Variants in MAGI3 observed in about 807,000 individuals in gnomAD.
MAGI3 encodes the protein membrane-associated guanylate kinase, WW and PDZ domain-containing protein 3.
MAGI3 carries 43 observed loss-of-function variants against 121.8 expected under a neutral mutation model. That is an observed-to-expected ratio of 0.35 (90% confidence interval 0.28 to 0.46). MAGI3 has a LOEUF of 0.46. MAGI3 is among the 20% of genes least tolerant of loss of function. MAGI3 has a pLI of 1.00. For synonymous variants in MAGI3, 553 were observed against 639.3 expected, an observed-to-expected ratio of 0.86 and a Z score of 2.04; for missense variants, 1,547 against 1,797.3, an observed-to-expected ratio of 0.86 and a Z score of 2.52.
chr1:113,461,087 A>G (rs1322533005), intron 1 of MAGI3, among the ~76,000 whole-genome samples: 1 of 152,198 alleles, frequency 6.6e-6, no homozygotes, highest in African/African-American at 2.4e-5. Flanking sequence ...CAGAGAAGAC[A>G]TAAACAAATG....
chr1:113,421,530 A>G (rs945293035), intron 1 of MAGI3, among the ~76,000 whole-genome samples: 4 of 152,232 alleles, frequency 2.6e-5, no homozygotes, highest in Admixed American at 1.3e-4. Flanking sequence ...CTGAAGCTGC[A>G]TGCAAAATTT....
At chr1:113,503,953 C>G (rs1657180479) in intron 1 of MAGI3, among the ~76,000 whole-genome samples, 1 of 151,928 alleles carries the variant, frequency 6.6e-6, no homozygotes, top group South Asian at 2.1e-4. Context: ...ATAGAAAGTT[C>G]AAAGTGACCT....
At chr1:113,408,231 A>G (rs1465993573) in intron 1 of MAGI3, among the ~76,000 whole-genome samples, 1 of 152,174 alleles carries the variant, frequency 6.6e-6, no homozygotes, top group African/African-American at 2.4e-5. Flanking sequence ...AAAATATAAT[A>G]AAAACTGAAG....
intron 2 of MAGI3, among the ~76,000 whole-genome samples, chr1:113,564,810 T>C (rs1660376113): frequency 6.6e-6 from 1 of 152,188 alleles, no homozygotes; most frequent in African/African-American, 2.4e-5. Flanking sequence ...GAATTTTTCA[T>C]ACCTAAAATT....
chr1:113,661,611 GA>G (rs1371589618), intron 16 of MAGI3, among the ~76,000 whole-genome samples: 1 of 152,156 alleles, frequency 6.6e-6, no homozygotes, highest in Non-Finnish European at 1.5e-5. Flanking sequence ...TTCTCCAAGA[GA>G]TTATCCAAGA....
intron 1 of MAGI3, among the ~76,000 whole-genome samples, chr1:113,537,645 T>C (rs187336471): frequency 1.2e-3 from 180 of 152,332 alleles, no homozygotes; most frequent in African/African-American, 2.8e-3. Flanking sequence ...TTGTCAGCTT[T>C]TGGCATTCCC....
chr1:113,418,429 ATCT>A (rs1652566513), intron 1 of MAGI3, among the ~76,000 whole-genome samples: 1 of 152,014 alleles, frequency 6.6e-6, no homozygotes, highest in Non-Finnish European at 1.5e-5. Context: ...CTAATCTGGT[ATCT>A]TCTTCTTTTC....
At chr1:113,676,670 T>A (rs1647884015) in intron 19 of MAGI3, among the ~76,000 whole-genome samples, 1 of 152,108 alleles carries the variant, frequency 6.6e-6, no homozygotes, top group Non-Finnish European at 1.5e-5. Context: ...TGATGACAAC[T>A]TTCTCTGGTG....
At chr1:113,681,835 T>A (rs959550623) in intron 20 of MAGI3, among the ~76,000 whole-genome samples, 3 of 152,126 alleles carry the variant, frequency 2.0e-5, no homozygotes, top group Non-Finnish European at 4.4e-5. Context: ...AGACAGGGAG[T>A]TGGACCTGAG....
intron 19 of MAGI3, among the ~76,000 whole-genome samples, chr1:113,674,487 T>C (rs967467589): frequency 1.1e-4 from 17 of 152,044 alleles, no homozygotes; most frequent in Non-Finnish European, 4.4e-5. Flanking sequence ...TAAAAACTTT[T>C]AATTTCTAGA....
intron 1 of MAGI3, among the ~76,000 whole-genome samples, chr1:113,489,512 C>T (rs533775535): frequency 2.3e-4 from 35 of 152,194 alleles, no homozygotes; most frequent in Admixed American, 5.2e-4. Context: ...GTCACATCTC[C>T]GTTCCAGCAA....
In MAGI3 at chr1:113,395,087, G is replaced by GTTTTTTTTTTT. The variant is rs139532433; in HGVS notation, c.316+3757_316+3767dup. Among the ~76,000 whole-genome samples the GTTTTTTTTTTT allele has an allele frequency of 5.7e-4, 19 of 33,234 alleles. 3 individuals carry two copies. Among genetic ancestry groups the GTTTTTTTTTTT allele is most frequent in the Admixed American group, 8.0e-4 (2 of 2,488 alleles). The allele number at this position is 33,234 out of a possible 152,430, so 21.8% of individuals were successfully genotyped here. A position where few individuals can be genotyped will look rare whatever the true frequency, so the allele number is the denominator to read the frequency against. ...TCTTATCTCTTGAATCTTTTTGTTA[G>GTTTTTTTTTTT]TTTTTTTTTTTTTTTTTTTTTTTTT... is the stretch of plus-strand genomic sequence containing the variant. On this transcript the variant is annotated intron_variant, in intron 1 of 20. Transcript: ENST00000307546.
At chr1:113,650,302 A>G (rs942513816) in intron 13 of MAGI3, among the ~76,000 whole-genome samples, 2 of 152,086 alleles carry the variant, frequency 1.3e-5, no homozygotes, top group African/African-American at 4.8e-5. Context: ...ATTGCTTCCT[A>G]TTTTGTTGAT....
chr1:113,391,378 G>A lies in MAGI3; in HGVS notation c.316+29G>A. On this transcript the variant is annotated intron_variant, in intron 1 of 20. Transcript: ENST00000307546. This position sits in a 1 kb window ranked among gnomAD's most constrained non-coding sequence, Gnocchi z 4.4. ...CGCCGGCCCTGCGTATCTGTCTCGG[G>A]GTGTTGGGGAGAGGGGCTTCAGGGT... The A allele has an allele frequency of 6.4e-7, 1 of 1,566,168 alleles. No homozygotes were observed. Among genetic ancestry groups the A allele is most frequent in the Non-Finnish European group, 8.6e-7 (1 of 1,156,560 alleles).
rs553593167 is a variant in MAGI3, at chr1:113,481,873, A to G, written c.317-67642A>G. On this transcript the variant is annotated intron_variant, in intron 1 of 20. Coordinates refer to ENST00000307546, the MANE Select transcript of MAGI3 (RefSeq NM_001142782.2). ...GCCAAAGTCAAGATGTCACAGGACT[A>G]TATTCCTTTCTGGAGATATTAGGGG... 1.2e-4 allele frequency among the ~76,000 whole-genome samples: 19 copies of G among 152,236 alleles called. No homozygotes were observed. The South Asian group carries it at 1.9e-3, about 15-fold the overall frequency.
intron 9 of MAGI3, among the ~76,000 whole-genome samples, chr1:113,637,100 T>C (rs1652084583): frequency 6.6e-6 from 1 of 152,194 alleles, no homozygotes; most frequent in Non-Finnish European, 1.5e-5. Flanking sequence ...TCCTCCATCC[T>C]TTTATTTTGA....
intron 5 of MAGI3, among the ~76,000 whole-genome samples, chr1:113,592,255 G>T (rs1224751853): frequency 6.6e-6 from 1 of 152,178 alleles, no homozygotes; most frequent in Non-Finnish European, 1.5e-5. Context: ...GGTATAACCA[G>T]TATGGTTGAT....
intron 1 of MAGI3, among the ~76,000 whole-genome samples, chr1:113,452,455 TACACACACACACACACACACACAC>T (rs4026203): frequency 6.8e-6 from 1 of 147,112 alleles, no homozygotes. Flanking sequence ...TGCATAGACA[TACACACACACACACACACACACAC>T]ACACACACAC....
intron 1 of MAGI3, among the ~76,000 whole-genome samples, chr1:113,507,348 A>G (rs1245443826): frequency 2.0e-5 from 3 of 152,118 alleles, no homozygotes; most frequent in East Asian, 1.9e-4. Flanking sequence ...CCTCTCTACT[A>G]CTTGTAAGGG....
Sources: gnomAD v4.1 joint callset for allele counts (sites outside exome capture counted in the v4.1 genomes callset) on GRCh38, gnomAD v4.1.1 for gene constraint, Gnocchi (gnomAD v3.1) non-coding constraint, MANE v1.5 for transcripts, NCBI Gene and HGNC (gene_info 2026-07-23, HGNC 2026-07-21) for gene names.